The following BTD variants were observed in gnomAD, a reference collection of about 807,000 sequenced individuals.
The protein encoded by BTD is biotinidase.
In BTD, 13 loss-of-function variants were observed where a neutral mutation model predicts 17.7. That is an observed-to-expected ratio of 0.74 (90% CI 0.48 to 1.17). The LOEUF (loss-of-function observed/expected upper bound fraction) is 1.17. Ranked by LOEUF, BTD falls within the 50% of genes most tolerant of loss-of-function variation. The pLI is 0.00. For synonymous variants in BTD, 240 were observed against 245.2 expected (o/e 0.98, Z 0.20); for missense variants, 674 against 650.4 (o/e 1.04, Z -0.39).
intron 3 of BTD, chr3:15,696,027 TAAA>T (rs2069498941): frequency 1.2e-6 from 1 of 805,684 alleles, no homozygotes; most frequent in Admixed American, 2.9e-5. Flanking sequence ...CTGAAAATGT[TAAA>T]AAACAAAATG....
intron 3 of BTD, among the ~76,000 whole-genome samples, chr3:15,700,999 A>G (rs1292317555): frequency 6.6e-6 from 1 of 152,200 alleles, no homozygotes; most frequent in African/African-American, 2.4e-5. Context: ...TGGTATTCAA[A>G]TACGTCTACC....
chr3:15,625,636 A>T (rs754516767), intron 1 of BTD, among the ~76,000 whole-genome samples: 1 of 152,064 alleles, frequency 6.6e-6, no homozygotes, highest in Non-Finnish European at 1.5e-5. Context: ...GCTCACTGCA[A>T]TCTCCACCTC....
At chr3:15,714,869 T>C (rs1410684053), downstream of BTD, among the ~76,000 whole-genome samples, 4 of 152,178 alleles carry the variant, frequency 2.6e-5, no homozygotes, top group Non-Finnish European at 5.9e-5. Flanking sequence ...AAAAATTCCA[T>C]GCTTACAATT....
rs1388566029 is a variant in BTD, at chr3:15,674,278, A to G, written c.399+32221A>G. Among the ~76,000 whole-genome samples, 5 of 152,208 alleles carry G rather than the reference A, an allele frequency of 3.3e-5. No individual in the cohort carries two copies. The East Asian group carries it at 7.7e-4, about 23-fold the overall frequency. On this transcript the variant is annotated intron_variant, in intron 3 of 3. Coordinates refer to the BTD transcript ENST00000672141. ...AGGTCAGTCTGGTAGCAGTAAAGAA[A>G]AAAGTGGGCATACTTTAGATCTACT...
At chr3:15,698,336 G>A (rs6442539) in intron 3 of BTD, among the ~76,000 whole-genome samples, 109,574 of 151,906 alleles carry the variant, frequency 0.72, 39,718 homozygotes, top group East Asian at 0.93. Context: ...GCACAAGACA[G>A]GGATGCCCTC....
downstream of BTD, among the ~76,000 whole-genome samples, chr3:15,657,772 A>G (rs2065885242): frequency 6.6e-6 from 1 of 151,946 alleles, no homozygotes; most frequent in South Asian, 2.1e-4. Flanking sequence ...AATCTTTGTC[A>G]GTTTCTCTAG....
chr3:15,714,601 C>T (rs1304141964), downstream of BTD: 2 of 1,590,692 alleles, frequency 1.3e-6, no homozygotes, highest in Non-Finnish European at 1.7e-6. Flanking sequence ...GGTTTGTGAT[C>T]GGGAGAATCT....
chr3:15,645,693 A>T lies in BTD; in HGVS notation c.*205A>T. On this transcript the variant is annotated 3_prime_UTR_variant, in exon 4 of 4. Transcript: ENST00000643237. ...CCTCTTAAACCTCAATCATCGAGAC[A>T]TTAGGGGGTATTTTCTGTTCACATT... 1 of 584,110 alleles carries T rather than the reference A, an allele frequency of 1.7e-6. No homozygotes were observed. The highest frequency in any genetic ancestry group is 3.0e-6 in the Non-Finnish European group (1 of 331,532). 36.2% of individuals were successfully genotyped at this position (584,110 alleles called of 1,614,324 possible).
intron 1 of BTD, among the ~76,000 whole-genome samples, chr3:15,628,198 C>G (rs1052234300): frequency 1.3e-5 from 2 of 152,220 alleles, no homozygotes; most frequent in African/African-American, 2.4e-5. Flanking sequence ...CCACCACATG[C>G]TTAGAGAGGT....
chr3:15,631,317 A>G (rs2065198118), intron 1 of BTD: 5 of 780,368 alleles, frequency 6.4e-6, no homozygotes, highest in Non-Finnish European at 9.7e-6. Context: ...ATGACAAGAT[A>G]TTTTATTAAA....
rs1351504385 is a variant in BTD, at chr3:15,683,999, T to C, written c.400-26061T>C. The C allele has an allele frequency of 2.6e-5, 4 of 152,212 alleles. No individual in the cohort carries two copies. In the East Asian group the frequency reaches 5.8e-4, roughly 22 times the overall value. The allele number at this position is 152,212 out of a possible 1,614,324, so 9.4% of individuals were successfully genotyped here. A position where few individuals can be genotyped will look rare whatever the true frequency, so the allele number is the denominator to read the frequency against. ...TCTCTGCATTTTGAGGGAAGGTTAT[T>C]AGAATTGTGAACTACAGCTTTGTAG... On this transcript the variant is annotated intron_variant, in intron 3 of 3. Coordinates refer to the BTD transcript ENST00000672141.
chr3:15,663,870 A>G (rs1303860896), intron 3 of BTD, among the ~76,000 whole-genome samples: 1 of 152,070 alleles, frequency 6.6e-6, no homozygotes, highest in Non-Finnish European at 1.5e-5. Context: ...TTCTTTCTCT[A>G]GTTTCCTAAG....
intron 3 of BTD, 90 bp downstream of exon 3, chr3:15,642,147 G>C: frequency 6.4e-7 from 1 of 1,566,462 alleles, no homozygotes; most frequent in Non-Finnish European, 8.6e-7. Context: ...AACTAAGATT[G>C]ATAGGAGACC....
chr3:15,643,723 T>C (rs2125495746), intron 3 of BTD, among the ~76,000 whole-genome samples: 1 of 151,936 alleles, frequency 6.6e-6, no homozygotes, highest in Admixed American at 6.5e-5. Context: ...TGATTTATGA[T>C]AGCTGTTTAT....
chr3:15,670,692 A>T (rs906702728), intron 3 of BTD: 14 of 920,476 alleles, frequency 1.5e-5, no homozygotes, highest in Non-Finnish European at 2.2e-5. Flanking sequence ...TGTAACCAGC[A>T]TGATTCGCAA....
rs151311558 is a variant in BTD at position 15,653,677 on chromosome 3, ATTCT to A, written c.*8192_*8195del. On this transcript the variant is annotated 3_prime_UTR_variant, in exon 4 of 4. Coordinates refer to ENST00000643237, the MANE Select transcript of BTD (RefSeq NM_001370658.1). ...GGAAGAACTCTAATGTTCTAAAGTG[ATTCT>A]TTGATAATTAAAGAAAGATGTAATT... Among the ~76,000 whole-genome samples the A allele has an allele frequency of 5.8e-3, 885 of 152,366 alleles. 10 individuals are homozygous for A. Among genetic ancestry groups the A allele is most frequent in the African/African-American group, 0.02 (847 of 41,592 alleles).
chr3:15,635,357 T>G lies in BTD; in HGVS notation c.-16-67T>G, dbSNP rs1271292112. On this transcript the variant is annotated intron_variant, in intron 1 of 3. Coordinates refer to ENST00000643237, the MANE Select transcript of BTD (RefSeq NM_001370658.1). The surrounding 1 kb of genome is among the most constrained non-coding windows in gnomAD (Gnocchi z 4.1). ...ATTGCTGGGATTAATAAATCACAGC[T>G]GCAAACGTTAAATTCTTGGCAGGAT... is the stretch of plus-strand genomic sequence containing the variant. 6.2e-7 allele frequency: 1 copy of G among 1,609,468 alleles called. No individual in the cohort carries two copies. Among genetic ancestry groups the G allele is most frequent in the Non-Finnish European group, 8.5e-7 (1 of 1,177,256 alleles).
chr3:15,694,851 T>C (rs781515295), intron 3 of BTD: 2 of 1,579,956 alleles, frequency 1.3e-6, no homozygotes, highest in South Asian at 1.1e-5. Context: ...CAGAAAGACA[T>C]ACTACAGCAA....
intron 2 of BTD, among the ~76,000 whole-genome samples, chr3:15,637,680 A>G (rs888521292): frequency 6.6e-6 from 1 of 152,226 alleles, no homozygotes; most frequent in Non-Finnish European, 1.5e-5. Context: ...CCTAGAGGGC[A>G]GGCATTCTCT....
Sources: allele counts gnomAD v4.1 joint callset (sites outside exome capture counted in the v4.1 genomes callset), GRCh38; gene constraint gnomAD v4.1.1; non-coding constraint Gnocchi (gnomAD v3.1); transcripts MANE v1.5; gene names NCBI Gene and HGNC (gene_info 2026-07-23, HGNC 2026-07-21).